TENM3: variants seen among roughly 807,000 people sequenced by gnomAD.
TENM3 encodes the protein teneurin-3.
In TENM3, 63 loss-of-function variants were observed where a neutral mutation model predicts 255.1. The ratio of observed to expected loss-of-function variants is 0.25; its 90% CI spans 0.20 to 0.30. The LOEUF is 0.30. Among genes scored for constraint, TENM3 ranks in the 10% least tolerant of loss-of-function variants. TENM3 has a pLI of 1.00. For synonymous variants in TENM3, 1,306 were observed against 1,322.3 expected (o/e 0.99, Z 0.27); for missense variants, 2,929 against 3,461.1 (o/e 0.85, Z 3.86).
chr4:182,067,812 T>G, the TENM3 span, among the ~76,000 whole-genome samples: 1 of 152,202 alleles, frequency 6.6e-6, no homozygotes, highest in Non-Finnish European at 1.5e-5. Context: ...AAAACATGTT[T>G]TAATTATGTT....
chr4:182,709,544 G>T (rs765254448), intron 12 of TENM3, among the ~76,000 whole-genome samples: 2 of 151,984 alleles, frequency 1.3e-5, no homozygotes, highest in African/African-American at 4.8e-5. Context: ...CAAAATGTCT[G>T]CATTTTTTTA....
chr4:182,610,506 C>T (rs1406346554), intron 4 of TENM3, among the ~76,000 whole-genome samples: 1 of 152,050 alleles, frequency 6.6e-6, no homozygotes, highest in African/African-American at 2.4e-5. Flanking sequence ...CATGGTGAGA[C>T]CCCACCTCTG....
intron 1 of TENM3, among the ~76,000 whole-genome samples, chr4:182,188,050 T>C (rs1579645991): frequency 6.6e-6 from 1 of 152,192 alleles, no homozygotes; most frequent in East Asian, 1.9e-4. Context: ...ACAGAAAGTT[T>C]GTTTTGAAAT....
chr4:182,572,502 A>T (rs890609134), intron 3 of TENM3, among the ~76,000 whole-genome samples: 3 of 152,214 alleles, frequency 2.0e-5, no homozygotes, highest in African/African-American at 7.2e-5. Context: ...TTAATAGTAC[A>T]TTAAGAAATG....
chr4:182,067,637 T>C, the TENM3 span, among the ~76,000 whole-genome samples: 26 of 152,180 alleles, frequency 1.7e-4, no homozygotes, highest in Non-Finnish European at 3.2e-4. Flanking sequence ...CTAAGTTACC[T>C]GAAGAAACCT....
At chr4:181,548,622 G>A in the TENM3 span, among the ~76,000 whole-genome samples, 17 of 152,224 alleles carry the variant, frequency 1.1e-4, no homozygotes, top group Admixed American at 7.8e-4. Context: ...TTGATGATGT[G>A]CCTCTCCCAA....
At chr4:181,490,851 G>A in the TENM3 span, among the ~76,000 whole-genome samples, 1 of 152,100 alleles carries the variant, frequency 6.6e-6, no homozygotes, top group Middle Eastern at 3.4e-3. Flanking sequence ...TTGTGCTATG[G>A]AGCAAATAAT....
At chr4:181,950,607 A>C in the TENM3 span, among the ~76,000 whole-genome samples, 1 of 152,170 alleles carries the variant, frequency 6.6e-6, no homozygotes, top group Non-Finnish European at 1.5e-5. Context: ...AGTGCCCAAA[A>C]CACAGTGGAC....
intron 1 of TENM3, among the ~76,000 whole-genome samples, chr4:182,278,588 G>C (rs1172970308): frequency 6.6e-6 from 1 of 151,452 alleles, no homozygotes; most frequent in Non-Finnish European, 1.5e-5. Context: ...AGATGTGTCT[G>C]GAAGTCACAT....
the TENM3 span, among the ~76,000 whole-genome samples, chr4:181,856,795 A>G: frequency 0.23 from 35,711 of 152,060 alleles, 4,452 homozygotes; most frequent in Middle Eastern, 0.32. Flanking sequence ...TGTACACACC[A>G]GAGGAGGTCG....
At chr4:182,745,741 T>C (rs1249436420) in intron 19 of TENM3, among the ~76,000 whole-genome samples, 1 of 151,964 alleles carries the variant, frequency 6.6e-6, no homozygotes, top group Non-Finnish European at 1.5e-5. Context: ...AGGGGCTCAT[T>C]CCCTGGGTAT....
the TENM3 span, among the ~76,000 whole-genome samples, chr4:181,561,394 C>CTTA: frequency 1.3e-5 from 2 of 152,054 alleles, no homozygotes; most frequent in Non-Finnish European, 2.9e-5. Context: ...TGCATGTAGC[C>CTTA]TTATTTTTGG....
the TENM3 span, among the ~76,000 whole-genome samples, chr4:182,002,683 C>G: frequency 1.1e-4 from 16 of 152,112 alleles, no homozygotes; most frequent in South Asian, 3.1e-3. Context: ...CAACAAACTC[C>G]CAAGTGGACC....
chr4:181,481,336 A>G, the TENM3 span, among the ~76,000 whole-genome samples: 6 of 152,104 alleles, frequency 3.9e-5, no homozygotes, highest in Non-Finnish European at 8.8e-5. Flanking sequence ...TCTGTTTTCT[A>G]TGAGTATATG....
chr4:182,363,935 A>C (rs1766213933), intron 3 of TENM3, among the ~76,000 whole-genome samples: 1 of 152,152 alleles, frequency 6.6e-6, no homozygotes. Flanking sequence ...ATCAGTTGCT[A>C]CAGAAAACAA....
At chr4:182,416,981 T>A (rs1295640334) in intron 3 of TENM3, among the ~76,000 whole-genome samples, 1 of 152,132 alleles carries the variant, frequency 6.6e-6, no homozygotes, top group African/African-American at 2.4e-5. Flanking sequence ...TTGTTGTTGT[T>A]GTTTTTTTCT....
chr4:182,726,715 C>G (rs1052366274), intron 13 of TENM3, among the ~76,000 whole-genome samples: 1 of 152,140 alleles, frequency 6.6e-6, no homozygotes, highest in Non-Finnish European at 1.5e-5. Flanking sequence ...GCACAGCGTC[C>G]GCTACTTTTA....
At chr4:182,703,229 T>C (rs1210148999) in intron 12 of TENM3, among the ~76,000 whole-genome samples, 1 of 152,270 alleles carries the variant, frequency 6.6e-6, no homozygotes, top group Non-Finnish European at 1.5e-5. Flanking sequence ...ATGCCGGTGA[T>C]GTCTTAGTAA....
chr4:182,428,311 A>G (rs921199187), intron 3 of TENM3, among the ~76,000 whole-genome samples: 2 of 152,130 alleles, frequency 1.3e-5, no homozygotes, highest in Non-Finnish European at 2.9e-5. Flanking sequence ...GTCAATCAAG[A>G]CATGTCAACA....
Sources: gnomAD v4.1 joint callset for allele counts (sites outside exome capture counted in the v4.1 genomes callset) on GRCh38, gnomAD v4.1.1 for gene constraint, MANE v1.5 for transcripts, NCBI Gene and HGNC (gene_info 2026-07-23, HGNC 2026-07-21) for gene names.